Variants in CCDC85A observed in about 807,000 individuals in gnomAD.
The protein encoded by CCDC85A is coiled-coil domain containing 85A, also known as coiled-coil domain-containing protein 85A.
In CCDC85A, 38 loss-of-function variants were observed where a neutral mutation model predicts 50.2. The ratio of observed to expected loss-of-function variants is 0.76; its 90% confidence interval spans 0.58 to 0.99. The LOEUF is 0.99. CCDC85A is among the 50% of genes least tolerant of loss of function. The probability of loss-of-function intolerance (pLI) is 0.00; values close to 1 mark genes in which losing one functional copy is unlikely to be tolerated. For synonymous variants in CCDC85A, 366 were observed against 301.4 expected, an observed-to-expected ratio of 1.21 and a Z score of -2.22; for missense variants, 820 against 742.0, an observed-to-expected ratio of 1.11 and a Z score of -1.22.
At chr2:56,324,732 C>T (rs1416605347) in intron 2 of CCDC85A, among the ~76,000 whole-genome samples, 1 of 151,924 alleles carries the variant, frequency 6.6e-6, no homozygotes, top group Non-Finnish European at 1.5e-5. Context: ...CTCTCCTAGT[C>T]TTGAATTTTA....
intron 2 of CCDC85A, among the ~76,000 whole-genome samples, chr2:56,237,396 A>C (rs1009023882): frequency 2.0e-4 from 31 of 152,222 alleles, no homozygotes; most frequent in African/African-American, 7.5e-4. Flanking sequence ...ATCTGTCTTG[A>C]TGTTGCTTTC....
At chr2:56,206,909 G>T (rs1224717998) in intron 2 of CCDC85A, among the ~76,000 whole-genome samples, 1 of 152,142 alleles carries the variant, frequency 6.6e-6, no homozygotes, top group East Asian at 1.9e-4. Flanking sequence ...GGAGTCATCA[G>T]TTAAGAAAAT....
chr2:56,263,895 C>T (rs1364931273), intron 2 of CCDC85A, among the ~76,000 whole-genome samples: 1 of 152,180 alleles, frequency 6.6e-6, no homozygotes, highest in Admixed American at 6.5e-5. Flanking sequence ...TTCCTTCATT[C>T]CCTAGGTCAG....
At chr2:56,268,439 C>CA (rs1208581737) in intron 2 of CCDC85A, among the ~76,000 whole-genome samples, 1 of 151,614 alleles carries the variant, frequency 6.6e-6, no homozygotes, top group Non-Finnish European at 1.5e-5. Flanking sequence ...ACTAAAAATA[C>CA]AAAAAATTAG....
chr2:56,223,581 A>G (rs1034310491), intron 2 of CCDC85A, among the ~76,000 whole-genome samples: 1 of 152,218 alleles, frequency 6.6e-6, no homozygotes, highest in Non-Finnish European at 1.5e-5. Flanking sequence ...TCACCATTTT[A>G]CAGGTCAGTT....
intron 2 of CCDC85A, among the ~76,000 whole-genome samples, chr2:56,258,574 C>T (rs527544744): frequency 9.9e-5 from 15 of 152,232 alleles, no homozygotes; most frequent in African/African-American, 3.6e-4. Context: ...TTTAGACTCT[C>T]TCATGCAGAA....
rs1467869996 is a variant in CCDC85A at position 56,193,872 on chromosome 2, A to T, written c.1240+432A>T. 2.7e-4 allele frequency among the ~76,000 whole-genome samples: 41 copies of T among 152,222 alleles called. 1 individual carries two copies. Among genetic ancestry groups the T allele is most frequent in the Admixed American group, 2.7e-3 (41 of 15,278 alleles). ...ATTTTGAATCCAGTTAATAGGTTATATACAAGAAGATATGAATATTTCTAT... is the reference window on the plus strand; with the variant it reads ...ATTTTGAATCCAGTTAATAGGTTATTTACAAGAAGATATGAATATTTCTAT... On this transcript the variant is annotated intron_variant, in intron 2 of 5. Coordinates refer to ENST00000407595, the MANE Select transcript of CCDC85A (RefSeq NM_001080433.2).
chr2:56,214,642 C>G (rs1452618298), intron 2 of CCDC85A, among the ~76,000 whole-genome samples: 1 of 151,856 alleles, frequency 6.6e-6, no homozygotes, highest in Non-Finnish European at 1.5e-5. Context: ...GTTGAAAGGA[C>G]TTTATTGAAT....
intron 2 of CCDC85A, among the ~76,000 whole-genome samples, chr2:56,305,589 GA>G (rs1288110801): frequency 1.3e-5 from 2 of 152,244 alleles, no homozygotes; most frequent in Non-Finnish European, 2.9e-5. Flanking sequence ...ATGTTTTCAA[GA>G]GATTCTATAA....
chr2:56,201,912 G>A (rs960880569), intron 2 of CCDC85A, among the ~76,000 whole-genome samples: 1 of 152,110 alleles, frequency 6.6e-6, no homozygotes, highest in Non-Finnish European at 1.5e-5. Flanking sequence ...TGAAATGATT[G>A]ACTTCCAAAG....
intron 1 of CCDC85A, among the ~76,000 whole-genome samples, chr2:56,185,125 G>T (rs989181269): frequency 1.6e-5 from 2 of 126,036 alleles, no homozygotes; most frequent in African/African-American, 5.4e-5. Flanking sequence ...CTGTCTGGCT[G>T]TTCGGGGAGG....
chr2:56,286,814 G>A (rs182171418), intron 2 of CCDC85A, among the ~76,000 whole-genome samples: 2 of 152,164 alleles, frequency 1.3e-5, no homozygotes, highest in Non-Finnish European at 2.9e-5. Flanking sequence ...TCCTGGTAGG[G>A]AATCTGGGGT....
chr2:56,277,108 T>C (rs1670985876), intron 2 of CCDC85A, among the ~76,000 whole-genome samples: 1 of 152,212 alleles, frequency 6.6e-6, no homozygotes. Flanking sequence ...TGATGACTTT[T>C]TTCATTCTTT....
intron 2 of CCDC85A, among the ~76,000 whole-genome samples, chr2:56,196,020 G>A (rs941558401): frequency 3.9e-5 from 6 of 152,134 alleles, no homozygotes; most frequent in African/African-American, 1.4e-4. Context: ...TGTGCCTTGA[G>A]CATTTATAAA....
At chr2:56,267,078 A>G (rs986942629) in intron 2 of CCDC85A, among the ~76,000 whole-genome samples, 1 of 152,068 alleles carries the variant, frequency 6.6e-6, no homozygotes, top group African/African-American at 2.4e-5. Flanking sequence ...TGTTGTATGT[A>G]ATTATGGACA....
Position 56,377,610 on chromosome 2 carries a change from G to C in CCDC85A, c.1572+1675G>C, listed in dbSNP as rs557861699. Among the ~76,000 whole-genome samples, 14 of 152,274 alleles carry C rather than the reference G, an allele frequency of 9.2e-5. No individual in the cohort carries two copies. The South Asian group carries it at 2.9e-3, about 32-fold the overall frequency. On this transcript the variant is annotated intron_variant, in intron 5 of 5. Transcript: ENST00000407595. ...AAGGAAGAGCTCCTCAATTTTCTCT[G>C]AATTTAGTTCTAATTTTCATACAAA...
chr2:56,271,051 G>C (rs1046003830), intron 2 of CCDC85A, among the ~76,000 whole-genome samples: 3 of 152,142 alleles, frequency 2.0e-5, no homozygotes, highest in Admixed American at 6.5e-5. Flanking sequence ...GCAGTGGCTT[G>C]CCCAGTGTCC....
At chr2:56,299,392 C>G (rs1672101820) in intron 2 of CCDC85A, among the ~76,000 whole-genome samples, 1 of 152,166 alleles carries the variant, frequency 6.6e-6, no homozygotes, top group African/African-American at 2.4e-5. Context: ...CTTGATTAGT[C>G]TTTTCTAATG....
intron 2 of CCDC85A, among the ~76,000 whole-genome samples, chr2:56,204,005 C>T (rs926106022): frequency 1.3e-5 from 2 of 152,098 alleles, no homozygotes; most frequent in African/African-American, 4.8e-5. Flanking sequence ...TTTAGTACAC[C>T]ATCAACCTCT....
Sources: allele counts gnomAD v4.1 joint callset (sites outside exome capture counted in the v4.1 genomes callset), GRCh38; gene constraint gnomAD v4.1.1; transcripts MANE v1.5; gene names NCBI Gene and HGNC (gene_info 2026-07-23, HGNC 2026-07-21).